PTPRN2: variants seen among roughly 807,000 people sequenced by gnomAD.
The protein encoded by PTPRN2 is protein tyrosine phosphatase receptor type N2.
Under a neutral mutation model 118.8 loss-of-function variants are expected in PTPRN2, and 74 were observed. That is an observed-to-expected ratio of 0.62 (90% CI 0.52 to 0.76). PTPRN2 has a LOEUF of 0.76. Among genes scored for constraint, PTPRN2 ranks in the 30% least tolerant of loss-of-function variants. The probability of loss-of-function intolerance (pLI) is 0.00; values close to 1 mark genes in which losing one functional copy is unlikely to be tolerated. For synonymous variants in PTPRN2, 641 were observed against 608.0 expected (o/e 1.05, Z -0.80); for missense variants, 1,481 against 1,394.4 (o/e 1.06, Z -0.99).
intron 12 of PTPRN2, among the ~76,000 whole-genome samples, chr7:157,828,627 G>C (rs953438595): frequency 1.2e-4 from 16 of 138,246 alleles, no homozygotes; most frequent in Non-Finnish European, 1.5e-4. Flanking sequence ...GCAAGACCCT[G>C]AGAGATGTCC....
intron 22 of PTPRN2, 85 bp downstream of exon 22, chr7:157,548,861 G>A: frequency 7.8e-7 from 1 of 1,284,966 alleles, no homozygotes; most frequent in South Asian, 1.2e-5. Flanking sequence ...CATTAAACCA[G>A]GCCCTCCCCG....
At chr7:158,435,887 A>G (rs1021062331) in intron 2 of PTPRN2, among the ~76,000 whole-genome samples, 2 of 152,226 alleles carry the variant, frequency 1.3e-5, no homozygotes, top group Non-Finnish European at 2.9e-5. Context: ...GCGTAGACCC[A>G]GAGAGAAGAA....
At chr7:157,734,264 T>G (rs66841055) in intron 12 of PTPRN2, among the ~76,000 whole-genome samples, 4 of 71,050 alleles carry the variant, frequency 5.6e-5, no homozygotes, top group Non-Finnish European at 1.4e-4. Flanking sequence ...CCGTCCCATG[T>G]GCCCAGTGCA....
intron 5 of PTPRN2, among the ~76,000 whole-genome samples, chr7:158,171,238 T>TACAGATATATAC (rs1823594700): frequency 2.2e-4 from 14 of 63,946 alleles, no homozygotes; most frequent in African/African-American, 7.8e-4. Context: ...CACATATATA[T>TACAGATATATAC]ACACATATAT....
intron 2 of PTPRN2, among the ~76,000 whole-genome samples, chr7:158,329,439 G>C (rs961942948): frequency 3.3e-5 from 5 of 152,220 alleles, no homozygotes; most frequent in African/African-American, 1.2e-4. Flanking sequence ...GCTGCTGTTA[G>C]CAGGCGGACG....
chr7:157,981,404 C>T (rs1803137501), intron 11 of PTPRN2, among the ~76,000 whole-genome samples: 2 of 151,684 alleles, frequency 1.3e-5, no homozygotes, highest in Non-Finnish European at 2.9e-5. Context: ...GCTCAAACTC[C>T]TGCTATTCCA....
chr7:157,937,573 G>A (rs760953631), intron 11 of PTPRN2, among the ~76,000 whole-genome samples: 2 of 152,296 alleles, frequency 1.3e-5, no homozygotes, highest in South Asian at 2.1e-4. Flanking sequence ...GAGTGCGGCC[G>A]CTCCACCTTT....
rs2129448363 is a variant in PTPRN2, at chr7:158,525,647, T to A, written c.113-35862A>T. Among the ~76,000 whole-genome samples, 1 of 152,286 alleles carries A rather than the reference T, an allele frequency of 6.6e-6. No homozygotes were observed. The highest frequency in any genetic ancestry group is 2.1e-4 in the South Asian group (1 of 4,830). On this transcript the variant is annotated intron_variant, in intron 1 of 22. Coordinates refer to ENST00000389418, the MANE Select transcript of PTPRN2 (RefSeq NM_002847.5). This position sits in a 1 kb window ranked among gnomAD's most constrained non-coding sequence, Gnocchi z 4.1. ...TATTATTCAGCATAATCACACATAT[T>A]ACGGGGATTTTTAAAGATCCTTTCA...
At chr7:158,480,933 T>C (rs1394456297) in intron 2 of PTPRN2, among the ~76,000 whole-genome samples, 1 of 152,272 alleles carries the variant, frequency 6.6e-6, no homozygotes, top group Non-Finnish European at 1.5e-5. Context: ...CAAGTGCTGA[T>C]GGAGAAGCTG....
At chr7:157,975,767 C>G (rs1288142466) in intron 11 of PTPRN2, among the ~76,000 whole-genome samples, 1 of 148,332 alleles carries the variant, frequency 6.7e-6, no homozygotes, top group Admixed American at 6.6e-5. Flanking sequence ...TTTTTTTTTT[C>G]CATTGCATGT....
At chr7:157,928,582 C>T (rs1300299057) in intron 11 of PTPRN2, among the ~76,000 whole-genome samples, 2 of 151,836 alleles carry the variant, frequency 1.3e-5, no homozygotes, top group Non-Finnish European at 2.9e-5. Flanking sequence ...GGACACTCCC[C>T]GTGTCTCAGC....
In PTPRN2 at chr7:157,990,185, G is replaced by A. The variant is rs1406076740; in HGVS notation, c.1723+91113C>T. ...ACGAGTTAATGTGAGTGCGAGCCCA[G>A]GGCAGAGCGGGCCCAGATAAATAAT... is the stretch of plus-strand genomic sequence containing the variant. On this transcript the variant is annotated intron_variant, in intron 11 of 22. Coordinates refer to ENST00000389418, the MANE Select transcript of PTPRN2 (RefSeq NM_002847.5). This position sits in a 1 kb window ranked among gnomAD's most constrained non-coding sequence, Gnocchi z 4.3. Among the ~76,000 whole-genome samples the A allele has an allele frequency of 6.6e-6, 1 of 152,002 alleles. No homozygotes were observed. The highest frequency in any genetic ancestry group is 6.5e-5 in the Admixed American group (1 of 15,268).
rs571201594 is a variant in PTPRN2 at position 158,526,466 on chromosome 7, G to A, written c.113-36681C>T. 1.3e-5 allele frequency among the ~76,000 whole-genome samples: 2 copies of A among 152,270 alleles called. No individual in the cohort carries two copies. The highest frequency in any genetic ancestry group is 2.1e-4 in the South Asian group (1 of 4,814). On this transcript the variant is annotated intron_variant, in intron 1 of 22. Transcript: ENST00000389418. This position sits in a 1 kb window ranked among gnomAD's most constrained non-coding sequence, Gnocchi z 5.2. ...GTCTGGAGGTCTCTCCGCTGGTCAC[G>A]GCCTCGGAATTCCGACATGCTGGAC... is the stretch of plus-strand genomic sequence containing the variant.
intron 3 of PTPRN2, among the ~76,000 whole-genome samples, chr7:158,267,528 C>T (rs747278293): frequency 6.6e-6 from 1 of 152,286 alleles, no homozygotes; most frequent in South Asian, 2.1e-4. Context: ...GGGCTCCACA[C>T]CCCACCTTCC....
In PTPRN2 at chr7:157,689,302, T is replaced by C. The variant is rs1001329180; in HGVS notation, c.1789-6365A>G. On this transcript the variant is annotated intron_variant, in intron 12 of 22. Transcript: ENST00000389418. Reference sequence around the variant, plus strand: ...TTTGGCGAAGACCCCTCGGACACCCTGCGCTCCGGACTCCAGGCGGGTGGC... The same window carrying C: ...TTTGGCGAAGACCCCTCGGACACCCCGCGCTCCGGACTCCAGGCGGGTGGC... Among the ~76,000 whole-genome samples the C allele has an allele frequency of 5.3e-5, 8 of 152,172 alleles. No homozygotes were observed. In the South Asian group the frequency reaches 1.2e-3, roughly 24 times the overall value.
At chr7:158,153,183 G>T (rs187474130) in intron 6 of PTPRN2, among the ~76,000 whole-genome samples, 1 of 152,156 alleles carries the variant, frequency 6.6e-6, no homozygotes, top group Non-Finnish European at 1.5e-5. Context: ...TCAAGCATTC[G>T]GACTCCAGGG....
chr7:158,576,911 C>A (rs112549175), intron 1 of PTPRN2, among the ~76,000 whole-genome samples: 2 of 130,474 alleles, frequency 1.5e-5, no homozygotes, highest in Non-Finnish European at 3.2e-5. Context: ...GGCTCCCCAC[C>A]CTGCCTGATG....
intron 12 of PTPRN2, among the ~76,000 whole-genome samples, chr7:157,883,838 C>G (rs189451836): frequency 2.5e-4 from 38 of 149,586 alleles, no homozygotes; most frequent in Non-Finnish European, 4.3e-4. Context: ...TGTCAGAGAT[C>G]AGAACACATC....
At chr7:157,919,841 ATGACGGAGC>A (rs1798603972) in intron 11 of PTPRN2, among the ~76,000 whole-genome samples, 1 of 152,228 alleles carries the variant, frequency 6.6e-6, no homozygotes, top group Non-Finnish European at 1.5e-5. Flanking sequence ...CCATAAGAGT[ATGACGGAGC>A]TGACAAATTC....
Sources: allele counts gnomAD v4.1 joint callset (sites outside exome capture counted in the v4.1 genomes callset), GRCh38; gene constraint gnomAD v4.1.1; non-coding constraint Gnocchi (gnomAD v3.1); transcripts MANE v1.5; gene names NCBI Gene and HGNC (gene_info 2026-07-23, HGNC 2026-07-21).